ADGRL2: variants seen among roughly 807,000 people sequenced by gnomAD.
ADGRL2 encodes the protein adhesion G protein-coupled receptor L2.
A neutral mutation model predicts 157.4 loss-of-function variants in ADGRL2; 44 were observed. The observed-to-expected ratio is 0.28, with a 90% CI of 0.22 to 0.36. The LOEUF (loss-of-function observed/expected upper bound fraction) is 0.36. ADGRL2 is among the 10% of genes least tolerant of loss of function. ADGRL2 has a pLI of 1.00. For missense variants in ADGRL2, 1,510 were observed against 1,768.9 expected (o/e 0.85, Z 2.63); for synonymous variants, 585 against 624.7 (o/e 0.94, Z 0.95).
intron 1 of ADGRL2, among the ~76,000 whole-genome samples, chr1:81,820,098 C>CT (rs2090831350): frequency 6.6e-6 from 1 of 152,182 alleles, no homozygotes; most frequent in African/African-American, 2.4e-5. Context: ...GGTTTTATAG[C>CT]TGATACTTTG....
rs776794533 is a variant in ADGRL2, at chr1:81,969,114, C to A, written c.2524-64C>A. ...AAAAGATGAGCTGTACATGTGAAAG[C>A]TGTCTTTCTTCTAGTTGATGTAATG... is the stretch of plus-strand genomic sequence containing the variant. On this transcript the variant is annotated intron_variant, in intron 14 of 23. Coordinates refer to ENST00000686636, the MANE Select transcript of ADGRL2 (RefSeq NM_001366006.2). The A allele has an allele frequency of 1.9e-5, 22 of 1,153,978 alleles. No individual in the cohort carries two copies. The Middle Eastern group carries it at 5.9e-4, about 31-fold the overall frequency. The allele number at this position is 1,153,978 out of a possible 1,614,324, so 71.5% of individuals were successfully genotyped here.
At chr1:81,544,144 T>A (rs559314168) in intron 2 of ADGRL2, among the ~76,000 whole-genome samples, 1 of 152,262 alleles carries the variant, frequency 6.6e-6, no homozygotes, top group African/African-American at 2.4e-5. Context: ...ATTTATCATC[T>A]ATGACCATGC....
intron 1 of ADGRL2, among the ~76,000 whole-genome samples, chr1:81,310,611 A>G (rs1659680615): frequency 6.6e-6 from 1 of 152,188 alleles, no homozygotes; most frequent in Admixed American, 6.5e-5. Context: ...CTGTATATCC[A>G]CAACCTCTAT....
At chr1:81,903,222 G>A (rs886131235) in intron 2 of ADGRL2, among the ~76,000 whole-genome samples, 1 of 152,054 alleles carries the variant, frequency 6.6e-6, no homozygotes, top group Non-Finnish European at 1.5e-5. Flanking sequence ...CTACAGTATA[G>A]CATTTGCTGT....
intron 1 of ADGRL2, among the ~76,000 whole-genome samples, chr1:81,333,540 T>C (rs1490741849): frequency 6.6e-6 from 1 of 152,006 alleles, no homozygotes; most frequent in African/African-American, 2.4e-5. Flanking sequence ...CTCAGCCTCC[T>C]GAATAGCTGG....
intron 1 of ADGRL2, chr1:81,426,650 G>C: frequency 1.5e-5 from 7 of 469,898 alleles, no homozygotes; most frequent in South Asian, 1.1e-4. Flanking sequence ...AGATTGTATG[G>C]TAATGAGACA....
At chr1:81,527,235 T>C (rs2079481114) in intron 2 of ADGRL2, among the ~76,000 whole-genome samples, 1 of 152,190 alleles carries the variant, frequency 6.6e-6, no homozygotes, top group Admixed American at 6.5e-5. Flanking sequence ...TCACATAGAC[T>C]TCCTCAACCA....
Position 81,756,639 on chromosome 1 carries a change from T to C in ADGRL2, c.-142-5172T>C, listed in dbSNP as rs113007673. 2.7e-3 allele frequency among the ~76,000 whole-genome samples: 417 copies of C among 152,314 alleles called. 8 individuals are homozygous for C. The South Asian group carries it at 0.041, about 15-fold the overall frequency. ...TTTTGTAGTTTGAAACAGATGAATA[T>C]TTTAACTGTTACGGACATGACAAAG... On this transcript the variant is annotated intron_variant, in intron 1 of 20. Coordinates refer to the ADGRL2 transcript ENST00000359929.
At chr1:81,749,541 A>T (rs1414049408) in intron 1 of ADGRL2, among the ~76,000 whole-genome samples, 1 of 152,100 alleles carries the variant, frequency 6.6e-6, no homozygotes, top group Non-Finnish European at 1.5e-5. Context: ...TCAGGACAGG[A>T]ACTTTGAGAG....
intron 1 of ADGRL2, among the ~76,000 whole-genome samples, chr1:81,820,154 A>G (rs1008417752): frequency 5.3e-5 from 8 of 152,200 alleles, no homozygotes; most frequent in Admixed American, 3.3e-4. Flanking sequence ...AACCCAAAGC[A>G]TCTATCAGCA....
intron 1 of ADGRL2, among the ~76,000 whole-genome samples, chr1:81,319,388 A>T (rs1046372434): frequency 2.0e-5 from 3 of 152,210 alleles, no homozygotes; most frequent in South Asian, 4.1e-4. Context: ...ACAAAGCAAC[A>T]TAATCTTAAA....
chr1:81,975,649 CG>C (rs1488320431), intron 17 of ADGRL2, among the ~76,000 whole-genome samples: 1 of 137,646 alleles, frequency 7.3e-6, no homozygotes, highest in Non-Finnish European at 1.6e-5. Context: ...TTGGTGGGGG[CG>C]GGGGAGAAGG....
chr1:81,983,398 C>T (rs191163865), intron 19 of ADGRL2, among the ~76,000 whole-genome samples: 12 of 151,924 alleles, frequency 7.9e-5, no homozygotes, highest in Non-Finnish European at 1.3e-4. Flanking sequence ...AAGACTCAAC[C>T]ACATTGTTAT....
intron 3 of ADGRL2, among the ~76,000 whole-genome samples, chr1:81,923,076 G>A (rs1359231632): frequency 6.6e-6 from 1 of 152,122 alleles, no homozygotes. Context: ...GAATATTTAC[G>A]AGTTGGTGTT....
At chr1:81,691,585 A>G (rs643346) in intron 3 of ADGRL2, among the ~76,000 whole-genome samples, 58,318 of 151,128 alleles carry the variant, frequency 0.39, 11,646 homozygotes, top group African/African-American at 0.48. Flanking sequence ...TGCAACCTCC[A>G]CTTCCTGGGT....
exon 1 of ADGRL2, chr1:81,306,315 T>C (rs1426864096): frequency 6.6e-6 from 1 of 152,258 alleles, no homozygotes; most frequent in Non-Finnish European, 1.5e-5. Flanking sequence ...TCTCAATGCC[T>C]GGTTCACAGA....
chr1:81,601,170 T>C (rs2081326680), intron 3 of ADGRL2, among the ~76,000 whole-genome samples: 1 of 152,270 alleles, frequency 6.6e-6, no homozygotes, highest in African/African-American at 2.4e-5. Flanking sequence ...TTAAGTAGCA[T>C]GCCTCATGAT....
chr1:81,923,625 G>T (rs1205061203), intron 3 of ADGRL2, among the ~76,000 whole-genome samples: 2 of 151,976 alleles, frequency 1.3e-5, no homozygotes, highest in Admixed American at 6.6e-5. Context: ...TTAAAGAAAT[G>T]ACAACTAGTG....
intron 3 of ADGRL2, among the ~76,000 whole-genome samples, chr1:81,610,888 T>G (rs2081528249): frequency 2.6e-5 from 4 of 152,206 alleles, no homozygotes; most frequent in Non-Finnish European, 5.9e-5. Context: ...TACCATCTAC[T>G]AAGATGCAGA....
Sources: gnomAD v4.1 joint callset for allele counts (sites outside exome capture counted in the v4.1 genomes callset) on GRCh38, gnomAD v4.1.1 for gene constraint, MANE v1.5 for transcripts, NCBI Gene and HGNC (gene_info 2026-07-23, HGNC 2026-07-21) for gene names.